The following ZFYVE9 variants were observed in gnomAD, a reference collection of about 807,000 sequenced individuals.
ZFYVE9 encodes zinc finger FYVE domain-containing protein 9.
In ZFYVE9, 43 loss-of-function variants were observed where a neutral mutation model predicts 126.7. The observed-to-expected ratio is 0.34, with a 90% CI of 0.27 to 0.44. The LOEUF is 0.44. Among genes scored for constraint, ZFYVE9 ranks in the 20% least tolerant of loss-of-function variants. The probability of loss-of-function intolerance (pLI) is 1.00; values close to 1 mark genes in which losing one functional copy is unlikely to be tolerated. For synonymous variants in ZFYVE9, 521 were observed against 597.4 expected (o/e 0.87, Z 1.87); for missense variants, 1,476 against 1,697.0 (o/e 0.87, Z 2.29).
chr1:52,271,710 A>G (rs1645694249), intron 7 of ZFYVE9, among the ~76,000 whole-genome samples: 1 of 152,212 alleles, frequency 6.6e-6, no homozygotes, highest in Admixed American at 6.5e-5. Context: ...TGCCAGTAAA[A>G]TTTTATAAAG....
intron 2 of ZFYVE9, among the ~76,000 whole-genome samples, chr1:52,220,659 T>C (rs1446337404): frequency 6.6e-6 from 1 of 152,130 alleles, no homozygotes; most frequent in Non-Finnish European, 1.5e-5. Flanking sequence ...AGGACCCCAG[T>C]GAGTTCCTGG....
intron 4 of ZFYVE9, among the ~76,000 whole-genome samples, chr1:52,247,616 C>A (rs1350800407): frequency 6.6e-6 from 1 of 152,164 alleles, no homozygotes; most frequent in Non-Finnish European, 1.5e-5. Flanking sequence ...CCTGCCTCAG[C>A]CTCCCGAGTA....
At chr1:52,145,038 A>G (rs551908610) in intron 1 of ZFYVE9, among the ~76,000 whole-genome samples, 3 of 152,356 alleles carry the variant, frequency 2.0e-5, no homozygotes, top group African/African-American at 7.2e-5. Context: ...GATACCTTTA[A>G]TTAACTGTTA....
At chr1:52,308,917 C>T (rs1646111915) in intron 13 of ZFYVE9, among the ~76,000 whole-genome samples, 1 of 152,100 alleles carries the variant, frequency 6.6e-6, no homozygotes, top group Non-Finnish European at 1.5e-5. Flanking sequence ...CAAGAAATAT[C>T]TGTTGGATGA....
At chr1:52,246,210 G>A (rs942837319) in intron 4 of ZFYVE9, among the ~76,000 whole-genome samples, 1 of 152,180 alleles carries the variant, frequency 6.6e-6, no homozygotes, top group Non-Finnish European at 1.5e-5. Context: ...GATTACAGGT[G>A]TGAGCCACCA....
chr1:52,291,599 A>G (rs926663715), intron 10 of ZFYVE9, among the ~76,000 whole-genome samples: 3 of 152,198 alleles, frequency 2.0e-5, no homozygotes, highest in African/African-American at 4.8e-5. Flanking sequence ...CATGGTGTAC[A>G]TGAATTACAT....
chr1:52,257,193 G>T (rs1009860069), intron 4 of ZFYVE9, among the ~76,000 whole-genome samples: 4 of 152,102 alleles, frequency 2.6e-5, no homozygotes, highest in Non-Finnish European at 5.9e-5. Context: ...AAAGGAAAGG[G>T]AAATAAGAAA....
chr1:52,232,207 A>G (rs1208462319), intron 2 of ZFYVE9, among the ~76,000 whole-genome samples: 1 of 152,152 alleles, frequency 6.6e-6, no homozygotes, highest in African/African-American at 2.4e-5. Context: ...AGCCAAGCAG[A>G]ATTTTCAGTT....
intron 12 of ZFYVE9, among the ~76,000 whole-genome samples, chr1:52,296,528 A>G (rs182990546): frequency 2.0e-5 from 3 of 152,190 alleles, no homozygotes; most frequent in East Asian, 1.9e-4. Context: ...CATGTCTCCT[A>G]CACACGTGCA....
intron 13 of ZFYVE9, among the ~76,000 whole-genome samples, chr1:52,322,756 C>T (rs1288186869): frequency 2.0e-5 from 3 of 152,046 alleles, no homozygotes; most frequent in African/African-American, 7.2e-5. Context: ...ATCAGAATGA[C>T]ACAAGTCCTC....
chr1:52,252,977 G>C (rs1467122369), intron 4 of ZFYVE9, among the ~76,000 whole-genome samples: 1 of 152,182 alleles, frequency 6.6e-6, no homozygotes, highest in African/African-American at 2.4e-5. Flanking sequence ...ACTTTGGGAG[G>C]CCAAGGCAGG....
intron 16 of ZFYVE9, among the ~76,000 whole-genome samples, chr1:52,339,006 G>C (rs1191514588): frequency 6.6e-6 from 1 of 151,976 alleles, no homozygotes; most frequent in Non-Finnish European, 1.5e-5. Context: ...GCGAAACTCT[G>C]TCTCAAGAAA....
intron 3 of ZFYVE9, 130 bp from the exon 4 acceptor site, chr1:52,237,358 G>A (rs1645282255): frequency 1.2e-6 from 1 of 820,764 alleles, no homozygotes; most frequent in African/African-American, 1.7e-5. Flanking sequence ...TTATTTTTTA[G>A]CCCCGAATTA....
At chr1:52,289,821 A>G (rs1327063212) in intron 10 of ZFYVE9, among the ~76,000 whole-genome samples, 1 of 152,222 alleles carries the variant, frequency 6.6e-6, no homozygotes, top group East Asian at 1.9e-4. Flanking sequence ...GATATATTTT[A>G]TAATGAGAGT....
chr1:52,160,896 A>G (rs1367780165), intron 1 of ZFYVE9, among the ~76,000 whole-genome samples: 1 of 152,218 alleles, frequency 6.6e-6, no homozygotes, highest in African/African-American at 2.4e-5. Context: ...GAAATGAACC[A>G]TGCAGTTGAT....
intron 1 of ZFYVE9, among the ~76,000 whole-genome samples, chr1:52,175,614 C>T (rs890266934): frequency 6.6e-6 from 1 of 151,772 alleles, no homozygotes; most frequent in East Asian, 1.9e-4. Context: ...CAACTTGGTT[C>T]CATTCTCCCC....
chr1:52,320,259 G>A (rs574920537), intron 13 of ZFYVE9, among the ~76,000 whole-genome samples: 4 of 151,860 alleles, frequency 2.6e-5, no homozygotes, highest in African/African-American at 9.7e-5. Context: ...TAGTAGAGAC[G>A]GGGTTTCTCC....
At chr1:52,205,795 A>G (rs1462027496) in intron 1 of ZFYVE9, among the ~76,000 whole-genome samples, 1 of 152,218 alleles carries the variant, frequency 6.6e-6, no homozygotes, top group East Asian at 1.9e-4. Context: ...AAGTCTATGT[A>G]TACTCTTGTT....
In ZFYVE9 at chr1:52,241,009, A is replaced by G. The variant is rs957416887; in HGVS notation, c.2178+1414A>G. ...ACGTCTAATGTACTACATGAGGACTATGCATAATAAAATCATACTATATTT... is the reference window on the plus strand; with the variant it reads ...ACGTCTAATGTACTACATGAGGACTGTGCATAATAAAATCATACTATATTT... On this transcript the variant is annotated intron_variant, in intron 4 of 18. Transcript: ENST00000287727. Among the ~76,000 whole-genome samples, 3 of 152,298 alleles carry G rather than the reference A, an allele frequency of 2.0e-5. No individual in the cohort carries two copies. The South Asian group carries it at 6.2e-4, about 32-fold the overall frequency.
Sources: allele counts gnomAD v4.1 joint callset (sites outside exome capture counted in the v4.1 genomes callset), GRCh38; gene constraint gnomAD v4.1.1; transcripts MANE v1.5; gene names NCBI Gene and HGNC (gene_info 2026-07-23, HGNC 2026-07-21).